Variants in CA12 observed in about 807,000 individuals in gnomAD.
CA12 encodes the protein carbonic anhydrase 12, also known as carbonate dehydratase XII.
CA12 carries 36 observed loss-of-function variants against 46.8 expected under a neutral mutation model. The ratio of observed to expected loss-of-function variants is 0.77; its 90% CI spans 0.59 to 1.02. The LOEUF (loss-of-function observed/expected upper bound fraction) is 1.02. Ranked by LOEUF, CA12 falls within the 50% of genes least tolerant of loss-of-function variation. The pLI, the probability that CA12 is intolerant of heterozygous loss-of-function variation, is 0.00. For synonymous variants in CA12, 202 were observed against 187.0 expected, an observed-to-expected ratio of 1.08 and a Z score of -0.65; for missense variants, 436 against 451.4, an observed-to-expected ratio of 0.97 and a Z score of 0.31.
rs2152607830 is a variant in CA12, at chr15:63,323,921, C to T, written c.*2364G>A. 1 of 152,380 alleles carries T rather than the reference C, an allele frequency of 6.6e-6. No homozygotes were observed. The highest frequency in any genetic ancestry group is 1.9e-4 in the East Asian group (1 of 5,176). The allele number at this position is 152,380 out of a possible 1,614,324, so 9.4% of individuals were successfully genotyped here. On this transcript the variant is annotated 3_prime_UTR_variant, in exon 11 of 11. Coordinates refer to ENST00000178638, the MANE Select transcript of CA12 (RefSeq NM_001218.5). The surrounding 1 kb of genome is among the most constrained non-coding windows in gnomAD (Gnocchi z 5.1). ...GGGCCTTCCCCTCTGGCCCTGGCCCCAGCCTGGGCCTTGTTTTTGCTATTT... is the reference window on the plus strand; with the variant it reads ...GGGCCTTCCCCTCTGGCCCTGGCCCTAGCCTGGGCCTTGTTTTTGCTATTT...
chr15:63,367,923 C>T (rs1441971220), intron 2 of CA12, among the ~76,000 whole-genome samples: 3 of 152,290 alleles, frequency 2.0e-5, no homozygotes, highest in African/African-American at 7.2e-5. Flanking sequence ...AAAAAGTATA[C>T]GTGAACTGTG....
chr15:63,336,552 T>TC (rs2152613559), intron 8 of CA12, among the ~76,000 whole-genome samples: 1 of 143,032 alleles, frequency 7.0e-6, no homozygotes, highest in East Asian at 2.0e-4. Context: ...GCTTTTTTTT[T>TC]TTTTTTTTTT....
At chr15:63,368,645 C>T (rs377760637) in intron 2 of CA12, among the ~76,000 whole-genome samples, 2 of 152,220 alleles carry the variant, frequency 1.3e-5, no homozygotes, top group African/African-American at 4.8e-5. Flanking sequence ...AAGCCATGCC[C>T]TGCCCTCACC....
At chr15:63,335,841 G>A (rs918230755) in intron 8 of CA12, among the ~76,000 whole-genome samples, 1 of 152,148 alleles carries the variant, frequency 6.6e-6, no homozygotes, top group Non-Finnish European at 1.5e-5. Flanking sequence ...ACAGTCTGAG[G>A]CCTGCTCCGA....
At chr15:63,376,263 A>T (rs2039569158) in intron 1 of CA12, among the ~76,000 whole-genome samples, 1 of 152,188 alleles carries the variant, frequency 6.6e-6, no homozygotes, top group South Asian at 2.1e-4. Context: ...GAGAAGCTAA[A>T]CTTTATTACC....
rs1194159274 is a variant in CA12, at chr15:63,322,469, T to C, written c.*3816A>G. ...TAAATTTCATACGTGTCTCATGTTA[T>C]ATTTTATTACATTTCTCTCGGCCTG... On this transcript the variant is annotated 3_prime_UTR_variant, in exon 11 of 11. Transcript: ENST00000178638. This position sits in a 1 kb window ranked among gnomAD's most constrained non-coding sequence, Gnocchi z 4.1. 6.6e-6 allele frequency: 1 copy of C among 152,138 alleles called. No homozygotes were observed. The allele number at this position is 152,138 out of a possible 1,614,324, so 9.4% of individuals were successfully genotyped here.
In CA12 at chr15:63,331,980, A is replaced by G. The variant is rs1365651175; in HGVS notation, c.875-3850T>C. On this transcript the variant is annotated intron_variant, in intron 8 of 10. Coordinates refer to ENST00000178638, the MANE Select transcript of CA12 (RefSeq NM_001218.5). The surrounding 1 kb of genome is among the most constrained non-coding windows in gnomAD (Gnocchi z 5.3). Reference sequence around the variant, plus strand: ...CGATTCTGTTTGACTGTGGACTATAATCCTTTTCAAGTATTATTTTAAAGT... The same window carrying G: ...CGATTCTGTTTGACTGTGGACTATAGTCCTTTTCAAGTATTATTTTAAAGT... Among the ~76,000 whole-genome samples, 1 of 152,094 alleles carries G rather than the reference A, an allele frequency of 6.6e-6. No homozygotes were observed. Among genetic ancestry groups the G allele is most frequent in the Non-Finnish European group, 1.5e-5 (1 of 68,028 alleles).
rs79289660 is a variant in CA12, at chr15:63,342,012, A to C, written c.515T>G (p.Val172Gly). 7.4e-6 allele frequency: 12 copies of C among 1,612,442 alleles called. No homozygotes were observed. The highest frequency in any genetic ancestry group is 1.0e-5 in the Non-Finnish European group (12 of 1,178,442). ...NKSEGLAVLA[V>G]LIEMGSFNPS... Reference sequence around the variant, plus strand: ...TTAAATATCTCTTACCTCAATGAGAACAGCCAGGACAGCGAGGCCTTCTGA... The same window carrying C: ...TTAAATATCTCTTACCTCAATGAGACCAGCCAGGACAGCGAGGCCTTCTGA... The change falls in exon 5 of 11, where the codon GTT (valine) becomes GGT (glycine). Residue 172 changes from valine (V) to glycine (G), a missense_variant. Physicochemically the swap from Val to Gly is moderately radical, Grantham distance 109. Transcript: ENST00000178638.
chr15:63,341,723 C>A lies in CA12; in HGVS notation c.525+279G>T, dbSNP rs1046653829. ...CCTTTCCAGCACAGGTCCTCCCCAACTGGGCAATTCCATGCCTTATGCAAC... is the reference window on the plus strand; with the variant it reads ...CCTTTCCAGCACAGGTCCTCCCCAAATGGGCAATTCCATGCCTTATGCAAC... On this transcript the variant is annotated intron_variant, in intron 5 of 10. Coordinates refer to ENST00000178638, the MANE Select transcript of CA12 (RefSeq NM_001218.5). The surrounding 1 kb of genome is among the most constrained non-coding windows in gnomAD (Gnocchi z 5.2). Among the ~76,000 whole-genome samples, 20 of 152,196 alleles carry A rather than the reference C, an allele frequency of 1.3e-4. No individual in the cohort carries two copies. Among genetic ancestry groups the A allele is most frequent in the Non-Finnish European group, 2.9e-4 (20 of 68,026 alleles).
intron 2 of CA12, among the ~76,000 whole-genome samples, chr15:63,364,835 G>T (rs962930789): frequency 6.6e-6 from 1 of 152,224 alleles, no homozygotes; most frequent in Non-Finnish European, 1.5e-5. Context: ...GTTCCTGAGG[G>T]CACTGTTTCA....
chr15:63,340,582 A>G lies in CA12; in HGVS notation c.590-137T>C, dbSNP rs562526219. ...TCTAACCCCAGGACCTGGTTGCAAC[A>G]TTGTTCAACAACCTGCTGCTCTTAA... On this transcript the variant is annotated intron_variant, in intron 6 of 10. Coordinates refer to ENST00000178638, the MANE Select transcript of CA12 (RefSeq NM_001218.5). The surrounding 1 kb of genome is among the most constrained non-coding windows in gnomAD (Gnocchi z 4.4). 7.1e-7 allele frequency: 1 copy of G among 1,401,018 alleles called. No individual in the cohort carries two copies. 86.8% of individuals were successfully genotyped at this position (1,401,018 alleles called of 1,614,324 possible).
chr15:63,353,144 C>T (rs2039254840), intron 2 of CA12, among the ~76,000 whole-genome samples: 1 of 151,996 alleles, frequency 6.6e-6, no homozygotes, highest in Non-Finnish European at 1.5e-5. Flanking sequence ...ACAAGTAAAC[C>T]AATGCACAAG....
At position 63,326,242 on chromosome 15, in the gene CA12, A is replaced by C. The variant is rs1595772110; in HGVS notation, c.*43T>G. ...CAGAGAGCCGAAGTGTGTAGGGTCC[A>C]AAGCAAGGTCCTTCCTGGATGTGCC... is the stretch of plus-strand genomic sequence containing the variant. On this transcript the variant is annotated 3_prime_UTR_variant, in exon 11 of 11. Coordinates refer to ENST00000178638, the MANE Select transcript of CA12 (RefSeq NM_001218.5). 6.6e-7 allele frequency: 1 copy of C among 1,518,322 alleles called. No individual in the cohort carries two copies. Among genetic ancestry groups the C allele is most frequent in the East Asian group, 2.3e-5 (1 of 44,430 alleles). 94.1% of individuals were successfully genotyped at this position (1,518,322 alleles called of 1,614,324 possible).
chr15:63,337,840 G>A (rs1312673882), intron 8 of CA12, among the ~76,000 whole-genome samples: 1 of 152,200 alleles, frequency 6.6e-6, no homozygotes, highest in Non-Finnish European at 1.5e-5. Context: ...GCCTCCCAAA[G>A]TGCTGGGATT....
At chr15:63,361,655 C>T (rs1292181260) in intron 2 of CA12, among the ~76,000 whole-genome samples, 1 of 152,144 alleles carries the variant, frequency 6.6e-6, no homozygotes, top group Non-Finnish European at 1.5e-5. Context: ...CCAGAGCATG[C>T]CCCACAGCGG....
intron 8 of CA12, among the ~76,000 whole-genome samples, chr15:63,335,296 C>A (rs1167011832): frequency 1.3e-5 from 2 of 152,066 alleles, no homozygotes; most frequent in Non-Finnish European, 2.9e-5. Flanking sequence ...GGACTATAAA[C>A]CTCTTAAGGA....
chr15:63,352,298 C>G (rs906555702), intron 2 of CA12, among the ~76,000 whole-genome samples: 1 of 152,238 alleles, frequency 6.6e-6, no homozygotes, highest in Admixed American at 6.5e-5. Context: ...CTAAAGCGAT[C>G]CACCTGCCTT....
At chr15:63,354,712 T>C (rs2039273941) in intron 2 of CA12, among the ~76,000 whole-genome samples, 1 of 152,120 alleles carries the variant, frequency 6.6e-6, no homozygotes. Context: ...GCAGGACTGA[T>C]GGATGTATTA....
intron 2 of CA12, among the ~76,000 whole-genome samples, chr15:63,366,468 G>A (rs1373268344): frequency 6.6e-6 from 1 of 152,130 alleles, no homozygotes; most frequent in African/African-American, 2.4e-5. Context: ...GTACTGTAAG[G>A]CCCCGCTTAA....
Sources: gnomAD v4.1 joint callset for allele counts (sites outside exome capture counted in the v4.1 genomes callset) on GRCh38, gnomAD v4.1.1 for gene constraint, Gnocchi (gnomAD v3.1) non-coding constraint, MANE v1.5 for transcripts, NCBI Gene and HGNC (gene_info 2026-07-23, HGNC 2026-07-21) for gene names.